SAMD12: variants seen among roughly 807,000 people sequenced by gnomAD.
The protein encoded by SAMD12 is sterile alpha motif domain-containing protein 12.
In SAMD12, 9 loss-of-function variants were observed where a neutral mutation model predicts 15.0. That is an observed-to-expected ratio of 0.60 (90% CI 0.36 to 1.05). The LOEUF (loss-of-function observed/expected upper bound fraction) is 1.05. SAMD12 is among the 50% of genes least tolerant of loss of function. The probability of loss-of-function intolerance (pLI) is 0.01; values close to 1 mark genes in which losing one functional copy is unlikely to be tolerated. For missense variants in SAMD12, 230 were observed against 234.2 expected, an observed-to-expected ratio of 0.98 and a Z score of 0.12; for synonymous variants, 86 against 90.1, an observed-to-expected ratio of 0.96 and a Z score of 0.25.
At chr8:118,414,468 T>A (rs1427694652) in intron 3 of SAMD12, among the ~76,000 whole-genome samples, 1 of 152,256 alleles carries the variant, frequency 6.6e-6, no homozygotes, top group African/African-American at 2.4e-5. Flanking sequence ...ATACCCAATC[T>A]ACTTTAATTT....
chr8:118,606,685 A>C (rs972451104), intron 1 of SAMD12, among the ~76,000 whole-genome samples: 1 of 152,174 alleles, frequency 6.6e-6, no homozygotes, highest in African/African-American at 2.4e-5. Context: ...CAATAGACTG[A>C]GCATCAGATC....
At chr8:118,239,258 T>C (rs1183729777) in intron 4 of SAMD12, among the ~76,000 whole-genome samples, 1 of 152,170 alleles carries the variant, frequency 6.6e-6, no homozygotes, top group African/African-American at 2.4e-5. Context: ...ATTTGCTGAG[T>C]ATCTTCTCTT....
intron 4 of SAMD12, among the ~76,000 whole-genome samples, chr8:118,305,829 T>A (rs1815318547): frequency 6.6e-6 from 1 of 152,162 alleles, no homozygotes; most frequent in African/African-American, 2.4e-5. Flanking sequence ...CTAGACTCCC[T>A]TGCGCTACAC....
intron 2 of SAMD12, among the ~76,000 whole-genome samples, chr8:118,540,378 A>C (rs952554820): frequency 6.6e-6 from 1 of 152,186 alleles, no homozygotes; most frequent in African/African-American, 2.4e-5. Context: ...CTTTTTCCTG[A>C]GCAGATTCAA....
intron 4 of SAMD12, among the ~76,000 whole-genome samples, chr8:118,207,268 C>G (rs1819886649): frequency 6.6e-6 from 1 of 152,204 alleles, no homozygotes; most frequent in Non-Finnish European, 1.5e-5. Context: ...TCATCTTGTA[C>G]CACATGAATA....
chr8:118,402,443 C>A (rs183214883), intron 3 of SAMD12, among the ~76,000 whole-genome samples: 232 of 152,282 alleles, frequency 1.5e-3, no homozygotes, highest in Middle Eastern at 3.4e-3. Context: ...GGAGAAAACA[C>A]TTTTTCCATG....
chr8:118,467,805 A>G (rs1222643678), intron 2 of SAMD12, among the ~76,000 whole-genome samples: 2 of 152,176 alleles, frequency 1.3e-5, no homozygotes, highest in Non-Finnish European at 2.9e-5. Context: ...GACAGGGCCA[A>G]TCAATTTGTG....
intron 4 of SAMD12, among the ~76,000 whole-genome samples, chr8:118,354,238 A>G (rs536371081): frequency 2.0e-5 from 3 of 152,236 alleles, no homozygotes; most frequent in Non-Finnish European, 4.4e-5. Context: ...GTTAAACACT[A>G]TGCAACCACT....
chr8:118,208,580 T>C (rs763625079), intron 4 of SAMD12, among the ~76,000 whole-genome samples: 1 of 152,236 alleles, frequency 6.6e-6, no homozygotes, highest in African/African-American at 2.4e-5. Flanking sequence ...AACTGAACTA[T>C]GTGCAATGAT....
At chr8:118,620,912 T>C (rs1386686683) in intron 1 of SAMD12, 1 of 152,290 alleles carries the variant, frequency 6.6e-6, no homozygotes, top group Non-Finnish European at 1.5e-5. Flanking sequence ...CATTTCATCA[T>C]TCAGGCACAG....
intron 4 of SAMD12, among the ~76,000 whole-genome samples, chr8:118,295,059 A>T (rs1013872519): frequency 2.0e-5 from 3 of 152,174 alleles, no homozygotes; most frequent in African/African-American, 7.2e-5. Flanking sequence ...TTTACGTGAA[A>T]ATTGGGAAAA....
intron 1 of SAMD12, 131 bp downstream of exon 1, chr8:118,621,673 G>T (rs1371978413): frequency 9.9e-7 from 1 of 1,007,636 alleles, no homozygotes; most frequent in Admixed American, 1.8e-5. Flanking sequence ...CCAAGAGGTG[G>T]AGGAGGAAGG....
intron 3 of SAMD12, among the ~76,000 whole-genome samples, chr8:118,426,584 T>C (rs1822241844): frequency 6.6e-6 from 1 of 152,204 alleles, no homozygotes; most frequent in African/African-American, 2.4e-5. Flanking sequence ...ATATTCCTTC[T>C]AGTTATGATT....
intron 2 of SAMD12, among the ~76,000 whole-genome samples, chr8:118,537,123 T>C (rs566546529): frequency 1.3e-5 from 2 of 152,236 alleles, no homozygotes; most frequent in South Asian, 2.1e-4. Context: ...GCCTGTAAGC[T>C]TTCCACTGAA....
intron 4 of SAMD12, among the ~76,000 whole-genome samples, chr8:118,366,886 A>AAAT (rs1563800121): frequency 0.016 from 642 of 39,386 alleles, 5 homozygotes; most frequent in Non-Finnish European, 0.022. Context: ...TAAAATAATA[A>AAAT]AATAAAATAA....
chr8:118,548,573 C>T (rs1255624312), intron 2 of SAMD12, among the ~76,000 whole-genome samples: 1 of 152,206 alleles, frequency 6.6e-6, no homozygotes, highest in Non-Finnish European at 1.5e-5. Flanking sequence ...GGAACAGCTC[C>T]AGTCTACAGC....
chr8:118,575,347 T>C (rs1020444933), intron 2 of SAMD12, among the ~76,000 whole-genome samples: 14 of 152,344 alleles, frequency 9.2e-5, no homozygotes, highest in Admixed American at 5.9e-4. Context: ...GCAATCAAGA[T>C]TTGCTGTTTT....
chr8:118,241,614 T>G (rs1446471443), intron 4 of SAMD12, among the ~76,000 whole-genome samples: 1 of 152,166 alleles, frequency 6.6e-6, no homozygotes. Flanking sequence ...GACAAGGGAT[T>G]TGCCTGTTTG....
chr8:118,530,925 T>C (rs1439232865), intron 2 of SAMD12, among the ~76,000 whole-genome samples: 2 of 152,324 alleles, frequency 1.3e-5, no homozygotes, highest in African/African-American at 4.8e-5. Flanking sequence ...CACAGCATTC[T>C]TGAACTCCTG....
Sources: gnomAD v4.1 joint callset for allele counts (sites outside exome capture counted in the v4.1 genomes callset) on GRCh38, gnomAD v4.1.1 for gene constraint, MANE v1.5 for transcripts, NCBI Gene and HGNC (gene_info 2026-07-23, HGNC 2026-07-21) for gene names.